Variants in RGS6 observed in about 807,000 individuals in gnomAD.
The protein encoded by RGS6 is regulator of G-protein signaling 6.
RGS6 carries 30 observed loss-of-function variants against 78.5 expected under a neutral mutation model. The observed-to-expected ratio is 0.38, with a 90% CI of 0.29 to 0.52. RGS6 has a LOEUF of 0.52. Ranked by LOEUF, RGS6 falls within the 20% of genes least tolerant of loss-of-function variation. The pLI is 0.85. For synonymous variants in RGS6, 206 were observed against 206.0 expected, an observed-to-expected ratio of 1.00 and a Z score of 0.00; for missense variants, 495 against 609.7, an observed-to-expected ratio of 0.81 and a Z score of 1.98.
intron 2 of RGS6, among the ~76,000 whole-genome samples, chr14:72,259,371 C>T (rs2057691414): frequency 6.6e-6 from 1 of 152,156 alleles, no homozygotes. Context: ...CCATTCCCTA[C>T]TGCCTTACTT....
At chr14:72,196,494 C>T (rs907380596) in intron 2 of RGS6, among the ~76,000 whole-genome samples, 3 of 152,256 alleles carry the variant, frequency 2.0e-5, no homozygotes, top group Admixed American at 6.5e-5. Context: ...ACTGCTATCA[C>T]GTGACATGCC....
chr14:72,229,059 G>T (rs1306130002), intron 2 of RGS6, among the ~76,000 whole-genome samples: 1 of 139,798 alleles, frequency 7.2e-6, no homozygotes, highest in Non-Finnish European at 1.6e-5. Flanking sequence ...CCTTGTTTCT[G>T]TCTTCCCTTC....
intron 1 of RGS6, among the ~76,000 whole-genome samples, chr14:71,947,904 G>A (rs375514966): frequency 2.2e-4 from 33 of 152,270 alleles, no homozygotes; most frequent in African/African-American, 7.7e-4. Flanking sequence ...GCCAGTGTGC[G>A]AAGGAACTTG....
At position 72,175,721 on chromosome 14, in the gene RGS6, G is replaced by A. The variant is rs528401979; in HGVS notation, c.85-176374G>A. On this transcript the variant is annotated intron_variant, in intron 2 of 17. Transcript: ENST00000553525. ...TCCTCAAGGGTGGGGACTGCGTTGAGTGTCACGAGACTCCTAGGGTCAGCA... is the reference window on the plus strand; with the variant it reads ...TCCTCAAGGGTGGGGACTGCGTTGAATGTCACGAGACTCCTAGGGTCAGCA... Among the ~76,000 whole-genome samples, 6 of 152,346 alleles carry A rather than the reference G, an allele frequency of 3.9e-5. No homozygotes were observed. The South Asian group carries it at 1.2e-3, about 32-fold the overall frequency.
intron 3 of RGS6, among the ~76,000 whole-genome samples, chr14:72,397,276 G>A (rs1414962798): frequency 2.0e-5 from 3 of 152,234 alleles, no homozygotes; most frequent in East Asian, 3.9e-4. Flanking sequence ...TCCCTTGTAA[G>A]TTGGATTCCT....
intron 2 of RGS6, among the ~76,000 whole-genome samples, chr14:72,153,329 T>C (rs189235101): frequency 6.6e-6 from 1 of 152,046 alleles, no homozygotes; most frequent in Non-Finnish European, 1.5e-5. Context: ...AAGCAGAACA[T>C]TGGGAAGAAG....
the RGS6 span, among the ~76,000 whole-genome samples, chr14:71,902,119 T>C: frequency 6.6e-6 from 1 of 152,158 alleles, no homozygotes; most frequent in Non-Finnish European, 1.5e-5. Flanking sequence ...ACTTTGTTGA[T>C]CAACTGAAAA....
At chr14:72,314,737 G>A (rs2069621657) in intron 2 of RGS6, among the ~76,000 whole-genome samples, 1 of 152,198 alleles carries the variant, frequency 6.6e-6, no homozygotes, top group South Asian at 2.1e-4. Flanking sequence ...GCTGAGACAA[G>A]CCAACAGGTA....
intron 2 of RGS6, among the ~76,000 whole-genome samples, chr14:71,989,638 G>T (rs2094872612): frequency 6.6e-6 from 1 of 152,172 alleles, no homozygotes; most frequent in South Asian, 2.1e-4. Flanking sequence ...TTGACCTGGG[G>T]TCTGGTGCCT....
intron 3 of RGS6, among the ~76,000 whole-genome samples, chr14:72,424,570 C>T (rs1275119459): frequency 6.6e-6 from 1 of 152,052 alleles, no homozygotes; most frequent in Non-Finnish European, 1.5e-5. Flanking sequence ...AAAAAAGATT[C>T]CCAGAGGATA....
the RGS6 span, chr14:72,619,850 CTAG>C: frequency 5.1e-5 from 74 of 1,453,930 alleles, no homozygotes; most frequent in South Asian, 8.1e-5. Context: ...TCAGTAAGTG[CTAG>C]TAGTAGTAGT....
At chr14:72,013,046 G>A (rs1051728529) in intron 2 of RGS6, among the ~76,000 whole-genome samples, 7 of 152,042 alleles carry the variant, frequency 4.6e-5, no homozygotes, top group South Asian at 2.1e-4. Flanking sequence ...TGACGTGGGC[G>A]GATCACCTGA....
At chr14:72,482,298 C>G (rs1179577304) in intron 12 of RGS6, among the ~76,000 whole-genome samples, 1 of 152,078 alleles carries the variant, frequency 6.6e-6, no homozygotes, top group African/African-American at 2.4e-5. Context: ...CCTAAATGGC[C>G]CCAGATAATA....
At chr14:72,581,291 A>G in the RGS6 span, among the ~76,000 whole-genome samples, 1 of 151,964 alleles carries the variant, frequency 6.6e-6, no homozygotes, top group East Asian at 1.9e-4. Flanking sequence ...CCATCTATCC[A>G]TACCTCCAGG....
At chr14:72,361,374 C>A (rs778261787) in intron 3 of RGS6, among the ~76,000 whole-genome samples, 9 of 152,112 alleles carry the variant, frequency 5.9e-5, no homozygotes, top group Non-Finnish European at 8.8e-5. Flanking sequence ...AAAACAAGAA[C>A]ATGAGATGGA....
At chr14:72,206,034 G>C (rs2042626769) in intron 2 of RGS6, among the ~76,000 whole-genome samples, 1 of 152,002 alleles carries the variant, frequency 6.6e-6, no homozygotes, top group African/African-American at 2.4e-5. Context: ...AATCATTCTT[G>C]CACATATATA....
At position 72,048,807 on chromosome 14, in the gene RGS6, C is replaced by A. The variant is rs1456892159; in HGVS notation, c.84+83932C>A. On this transcript the variant is annotated intron_variant, in intron 2 of 17. Transcript: ENST00000553525. ...AAACTTTTAAATTTCACTAACAGTA[C>A]ATAGCCATTGCAGTAATTTTTTTAA... 2.0e-5 allele frequency among the ~76,000 whole-genome samples: 3 copies of A among 151,938 alleles called. No homozygotes were observed. In the South Asian group the frequency reaches 6.2e-4, roughly 32 times the overall value.
chr14:72,210,174 C>T (rs149139935), intron 2 of RGS6, among the ~76,000 whole-genome samples: 29 of 152,158 alleles, frequency 1.9e-4, no homozygotes, highest in African/African-American at 6.5e-4. Context: ...CTTGGTTGGC[C>T]CGTGTGGGTT....
At chr14:72,529,924 G>A (rs1203793335) in intron 15 of RGS6, among the ~76,000 whole-genome samples, 2 of 152,220 alleles carry the variant, frequency 1.3e-5, no homozygotes, top group African/African-American at 4.8e-5. Context: ...TCTTATTCAG[G>A]CTGTTATCTC....
Sources: gnomAD v4.1 joint callset for allele counts (sites outside exome capture counted in the v4.1 genomes callset) on GRCh38, gnomAD v4.1.1 for gene constraint, MANE v1.5 for transcripts, NCBI Gene and HGNC (gene_info 2026-07-23, HGNC 2026-07-21) for gene names.